The following MARCHF1 variants were observed in gnomAD, a reference collection of about 807,000 sequenced individuals.
MARCHF1 encodes membrane associated ring-CH-type finger 1.
A neutral mutation model predicts 54.2 loss-of-function variants in MARCHF1; 40 were observed. That is an observed-to-expected ratio of 0.74 (90% CI 0.57 to 0.96). The LOEUF is 0.96. MARCHF1 is among the 40% of genes least tolerant of loss of function. MARCHF1 has a pLI of 0.00. For synonymous variants in MARCHF1, 236 were observed against 236.3 expected, an observed-to-expected ratio of 1.00 and a Z score of 0.01; for missense variants, 586 against 656.5, an observed-to-expected ratio of 0.89 and a Z score of 1.17.
chr4:164,018,302 A>C (rs1753589854), intron 2 of MARCHF1, among the ~76,000 whole-genome samples: 1 of 152,044 alleles, frequency 6.6e-6, no homozygotes, highest in African/African-American at 2.4e-5. Context: ...TATTCAAATA[A>C]CAACTACCAT....
At chr4:164,218,947 A>G (rs554077758) in intron 1 of MARCHF1, among the ~76,000 whole-genome samples, 1 of 152,244 alleles carries the variant, frequency 6.6e-6, no homozygotes. Context: ...AATTAATGTA[A>G]AAAGTATCCC....
At chr4:163,863,131 A>C (rs1749976512) in intron 3 of MARCHF1, among the ~76,000 whole-genome samples, 2 of 152,070 alleles carry the variant, frequency 1.3e-5, no homozygotes, top group African/African-American at 4.8e-5. Flanking sequence ...CTCACAGCAC[A>C]AAGTGTAAAC....
chr4:163,697,414 T>G (rs1158672152), intron 5 of MARCHF1, among the ~76,000 whole-genome samples: 1 of 152,086 alleles, frequency 6.6e-6, no homozygotes, highest in Non-Finnish European at 1.5e-5. Context: ...GCCTGTTATG[T>G]GAACTCTTCT....
At chr4:164,226,611 A>C (rs1357069454) in intron 1 of MARCHF1, among the ~76,000 whole-genome samples, 1 of 152,126 alleles carries the variant, frequency 6.6e-6, no homozygotes, top group Non-Finnish European at 1.5e-5. Context: ...ATATCCATTT[A>C]TATACATGTT....
chr4:164,026,979 C>T (rs972837670), intron 2 of MARCHF1, among the ~76,000 whole-genome samples: 2 of 151,904 alleles, frequency 1.3e-5, no homozygotes, highest in African/African-American at 2.4e-5. Flanking sequence ...AATATAATCC[C>T]ATTTACAATA....
chr4:164,124,055 A>C (rs1756130066), intron 1 of MARCHF1, among the ~76,000 whole-genome samples: 1 of 152,030 alleles, frequency 6.6e-6, no homozygotes. Context: ...ACTCTACAGG[A>C]AAAAAATTGT....
At chr4:164,188,035 T>G (rs1336557468) in intron 1 of MARCHF1, among the ~76,000 whole-genome samples, 1 of 152,132 alleles carries the variant, frequency 6.6e-6, no homozygotes, top group Non-Finnish European at 1.5e-5. Flanking sequence ...TAATTTTCCA[T>G]TAAGGGCCAT....
intron 4 of MARCHF1, among the ~76,000 whole-genome samples, chr4:163,826,108 T>G (rs926895056): frequency 6.6e-6 from 1 of 152,068 alleles, no homozygotes; most frequent in African/African-American, 2.4e-5. Flanking sequence ...AATAACATTG[T>G]TTTAGGAGTT....
At chr4:164,241,338 G>A (rs1038084229) in intron 1 of MARCHF1, among the ~76,000 whole-genome samples, 2 of 152,114 alleles carry the variant, frequency 1.3e-5, no homozygotes, top group African/African-American at 2.4e-5. Context: ...GCTGCCCTGC[G>A]ATAATTAAGC....
intron 3 of MARCHF1, among the ~76,000 whole-genome samples, chr4:163,878,064 C>A (rs578259331): frequency 1.3e-5 from 2 of 152,196 alleles, no homozygotes; most frequent in Non-Finnish European, 2.9e-5. Flanking sequence ...CCCCTTCCAG[C>A]CACTTTGTCA....
chr4:164,059,968 T>G (rs1579500377), intron 2 of MARCHF1, among the ~76,000 whole-genome samples: 1 of 152,138 alleles, frequency 6.6e-6, no homozygotes, highest in South Asian at 2.1e-4. Flanking sequence ...AGTATTGATA[T>G]AAACATGGTC....
chr4:163,992,436 C>T (rs987611920), intron 2 of MARCHF1, among the ~76,000 whole-genome samples: 6 of 151,834 alleles, frequency 4.0e-5, no homozygotes, highest in Admixed American at 1.3e-4. Flanking sequence ...ATCAAAGAAG[C>T]TTTGAGCAAC....
At chr4:163,552,761 C>T (rs866443685) in intron 8 of MARCHF1, among the ~76,000 whole-genome samples, 2 of 151,946 alleles carry the variant, frequency 1.3e-5, no homozygotes, top group Non-Finnish European at 2.9e-5. Flanking sequence ...GGGCCTGGAG[C>T]GGTGGCTCAG....
chr4:163,729,658 A>G (rs568691891), intron 4 of MARCHF1, among the ~76,000 whole-genome samples: 1 of 152,242 alleles, frequency 6.6e-6, no homozygotes, highest in East Asian at 1.9e-4. Context: ...TGTTTATAAC[A>G]TTCCTTTATT....
intron 2 of MARCHF1, among the ~76,000 whole-genome samples, chr4:164,106,509 C>A (rs1410671229): frequency 3.1e-5 from 4 of 127,390 alleles, no homozygotes. Context: ...AGTAAACTAT[C>A]GCAAGAACAA....
Position 163,696,243 on chromosome 4 carries a change from TA to T in MARCHF1, c.162+4569del, listed in dbSNP as rs1744629050. Among the ~76,000 whole-genome samples the T allele has an allele frequency of 2.0e-5, 3 of 152,150 alleles. No individual in the cohort carries two copies. The South Asian group carries it at 6.2e-4, about 31-fold the overall frequency. ...AATATATGGTACAAAGATCCAGAGGTAAAAACTTAGGAGATATAATTTTTGA... is the reference window on the plus strand; with the variant it reads ...AATATATGGTACAAAGATCCAGAGGTAAAACTTAGGAGATATAATTTTTGA... On this transcript the variant is annotated intron_variant, in intron 5 of 9. Transcript: ENST00000514618.
At chr4:163,915,276 A>T (rs1161646671) in intron 3 of MARCHF1, among the ~76,000 whole-genome samples, 1 of 152,082 alleles carries the variant, frequency 6.6e-6, no homozygotes, top group Non-Finnish European at 1.5e-5. Flanking sequence ...ATATGATAAA[A>T]ATGGCACTTT....
chr4:163,614,528 C>A (rs1334855477), intron 5 of MARCHF1, among the ~76,000 whole-genome samples: 1 of 151,882 alleles, frequency 6.6e-6, no homozygotes, highest in Non-Finnish European at 1.5e-5. Flanking sequence ...AAAAAGATTA[C>A]CCCAAATTTC....
intron 3 of MARCHF1, among the ~76,000 whole-genome samples, chr4:163,897,150 C>G (rs1234395070): frequency 3.9e-5 from 6 of 152,180 alleles, no homozygotes; most frequent in African/African-American, 1.4e-4. Flanking sequence ...GTCATTACCA[C>G]CAACTGCATT....
Sources: allele counts gnomAD v4.1 joint callset (sites outside exome capture counted in the v4.1 genomes callset), GRCh38; gene constraint gnomAD v4.1.1; transcripts MANE v1.5; gene names NCBI Gene and HGNC (gene_info 2026-07-23, HGNC 2026-07-21).